Variants in CCDC102B observed in about 807,000 individuals in gnomAD.
CCDC102B encodes coiled-coil domain-containing protein 102B.
A neutral mutation model predicts 57.4 loss-of-function variants in CCDC102B; 75 were observed. The observed-to-expected ratio is 1.31, with a 90% CI of 1.08 to 1.58. CCDC102B has a LOEUF of 1.58. CCDC102B is among the 40% of genes most tolerant of loss of function. The pLI is 0.00. For missense variants in CCDC102B, 636 were observed against 582.6 expected (o/e 1.09, Z -0.94); for synonymous variants, 206 against 201.9 (o/e 1.02, Z -0.17).
At chr18:68,765,361 G>GAA (rs1172776628) in intron 2 of CCDC102B, among the ~76,000 whole-genome samples, 1 of 126,656 alleles carries the variant, frequency 7.9e-6, no homozygotes, top group African/African-American at 3.0e-5. Context: ...AAGAAAGAAA[G>GAA]AAAGAAAGAA....
At chr18:69,010,143 C>T (rs1433206767) in intron 6 of CCDC102B, among the ~76,000 whole-genome samples, 1 of 134,234 alleles carries the variant, frequency 7.4e-6, no homozygotes, top group Admixed American at 8.1e-5. Context: ...GGAGTTTCAC[C>T]GTGTTAGCTA....
intron 4 of CCDC102B, among the ~76,000 whole-genome samples, chr18:68,862,336 G>A (rs187707081): frequency 1.3e-5 from 2 of 152,232 alleles, no homozygotes; most frequent in Admixed American, 1.3e-4. Flanking sequence ...CAGCTAAAAT[G>A]TGTAACCTTG....
chr18:68,829,659 C>T (rs2037062395), intron 1 of CCDC102B, among the ~76,000 whole-genome samples: 1 of 151,958 alleles, frequency 6.6e-6, no homozygotes. Context: ...ATTTCACTGA[C>T]ATAAAGAGCT....
intron 7 of CCDC102B, among the ~76,000 whole-genome samples, chr18:69,038,337 C>A (rs773318424): frequency 1.6e-5 from 1 of 61,758 alleles, no homozygotes; most frequent in Non-Finnish European, 5.8e-5. Context: ...TAATGGAGTA[C>A]ATTTGTGCAA....
intron 2 of CCDC102B, among the ~76,000 whole-genome samples, chr18:68,787,490 T>C (rs2035256471): frequency 6.6e-6 from 1 of 151,000 alleles, no homozygotes; most frequent in South Asian, 2.1e-4. Flanking sequence ...CTATTGATTA[T>C]TGCCACAATT....
chr18:68,979,180 G>A (rs2050512775), intron 6 of CCDC102B, among the ~76,000 whole-genome samples: 1 of 151,938 alleles, frequency 6.6e-6, no homozygotes, highest in Non-Finnish European at 1.5e-5. Flanking sequence ...TAGTATTTGT[G>A]CACTTCATTC....
chr18:68,973,758 T>C (rs1377999172), intron 6 of CCDC102B, among the ~76,000 whole-genome samples: 5 of 152,154 alleles, frequency 3.3e-5, no homozygotes, highest in Non-Finnish European at 7.4e-5. Flanking sequence ...AGCCCTTTTA[T>C]GTTTGTACAA....
intron 7 of CCDC102B, among the ~76,000 whole-genome samples, chr18:69,012,981 A>G (rs2051559678): frequency 6.6e-6 from 1 of 152,148 alleles, no homozygotes; most frequent in East Asian, 1.9e-4. Flanking sequence ...AGAACTGAAA[A>G]TGGAACTATT....
chr18:69,023,066 A>G (rs1020530461), intron 7 of CCDC102B, among the ~76,000 whole-genome samples: 1 of 152,180 alleles, frequency 6.6e-6, no homozygotes. Flanking sequence ...ATTATGTGAG[A>G]CAAGGCAAAT....
At chr18:68,759,536 T>TG (rs2034182997) in intron 2 of CCDC102B, among the ~76,000 whole-genome samples, 1 of 152,018 alleles carries the variant, frequency 6.6e-6, no homozygotes, top group South Asian at 2.1e-4. Context: ...AACAGACATA[T>TG]GGGGGGCCAG....
intron 6 of CCDC102B, among the ~76,000 whole-genome samples, chr18:68,962,892 A>AT (rs1452988098): frequency 6.6e-6 from 1 of 151,946 alleles, no homozygotes; most frequent in Non-Finnish European, 1.5e-5. Flanking sequence ...AATCAAATGC[A>AT]TTTCACGACT....
chr18:68,788,629 T>A (rs1234466902), intron 2 of CCDC102B, among the ~76,000 whole-genome samples: 1 of 149,584 alleles, frequency 6.7e-6, no homozygotes, highest in Non-Finnish European at 1.5e-5. Flanking sequence ...AAAGTCTGTT[T>A]TATCAGAGAC....
chr18:68,744,765 A>C (rs73456117), intron 2 of CCDC102B, among the ~76,000 whole-genome samples: 5,986 of 152,252 alleles, frequency 0.039, 299 homozygotes, highest in African/African-American at 0.12. Flanking sequence ...GAGCATGTGT[A>C]AGACATTCAC....
chr18:68,874,828 C>T lies in CCDC102B; in HGVS notation c.1053+43C>T, dbSNP rs900614101. On this transcript the variant is annotated intron_variant, in intron 5 of 7. Transcript: ENST00000360242. ...GAGTACCATATATATTAAAACATAACTGACTGTTGTTAAATGCCATACTAT... is the reference window on the plus strand; with the variant it reads ...GAGTACCATATATATTAAAACATAATTGACTGTTGTTAAATGCCATACTAT... 4.1e-6 allele frequency: 5 copies of T among 1,225,452 alleles called. No homozygotes were observed. The Admixed American group carries it at 9.0e-5, about 22-fold the overall frequency. 75.9% of individuals were successfully genotyped at this position (1,225,452 alleles called of 1,614,324 possible).
At chr18:68,853,360 A>ACTTCT (rs58955559) in intron 4 of CCDC102B, among the ~76,000 whole-genome samples, 144,016 of 151,782 alleles carry the variant, frequency 0.95, 68,786 homozygotes, top group East Asian at 1. Context: ...TTGTGAGCTT[A>ACTTCT]CTCAATTTCA....
At chr18:68,897,702 G>C in intron 6 of CCDC102B, 2 of 1,220,572 alleles carry the variant, frequency 1.6e-6, no homozygotes, top group South Asian at 2.6e-5. Context: ...AGAACTTTCT[G>C]GTTTTTTGTT....
intron 6 of CCDC102B, among the ~76,000 whole-genome samples, chr18:68,951,495 T>C (rs2049696490): frequency 6.6e-6 from 1 of 152,154 alleles, no homozygotes. Flanking sequence ...ATTTAATGTT[T>C]TCCCTTTCTA....
intron 2 of CCDC102B, among the ~76,000 whole-genome samples, chr18:68,771,534 T>G (rs1363404316): frequency 6.6e-6 from 1 of 152,154 alleles, no homozygotes; most frequent in Admixed American, 6.6e-5. Flanking sequence ...TCACCTTATC[T>G]TGCTCTCTGG....
intron 6 of CCDC102B, among the ~76,000 whole-genome samples, chr18:68,927,753 G>C (rs1006430578): frequency 6.6e-6 from 1 of 151,920 alleles, no homozygotes; most frequent in Admixed American, 6.6e-5. Context: ...GAGAAGAGGG[G>C]TCTTACATAT....
Sources: allele counts gnomAD v4.1 joint callset (sites outside exome capture counted in the v4.1 genomes callset), GRCh38; gene constraint gnomAD v4.1.1; transcripts MANE v1.5; gene names NCBI Gene and HGNC (gene_info 2026-07-23, HGNC 2026-07-21).